The following SCN9A variants were observed in gnomAD, a reference collection of about 807,000 sequenced individuals.
SCN9A encodes sodium channel protein type 9 subunit alpha.
Under a neutral mutation model 187.0 loss-of-function variants are expected in SCN9A, and 131 were observed. That is an observed-to-expected ratio of 0.70 (90% CI 0.61 to 0.81). The LOEUF is 0.81. Ranked by LOEUF, SCN9A falls within the 30% of genes least tolerant of loss-of-function variation. The pLI is 0.00. For missense variants in SCN9A, 2,252 were observed against 2,396.6 expected (o/e 0.94, Z 1.26); for synonymous variants, 809 against 808.6 (o/e 1.00, Z -0.01).
Position 166,290,324 on chromosome 2 carries a change from G to T in SCN9A, c.1108-1681C>A, listed in dbSNP as rs1431404423. Among the ~76,000 whole-genome samples, 3 of 152,076 alleles carry T rather than the reference G, an allele frequency of 2.0e-5. No homozygotes were observed. In the East Asian group the frequency reaches 5.8e-4, roughly 29 times the overall value. On this transcript the variant is annotated intron_variant, in intron 9 of 26. Transcript: ENST00000642356. ...TCTTTATACAATTTAACATTGATGGGCATTTGAGTTGATTCCATCTCTTTG... is the reference window on the plus strand; with the variant it reads ...TCTTTATACAATTTAACATTGATGGTCATTTGAGTTGATTCCATCTCTTTG...
chr2:166,321,406 G>A (rs1020085916), intron 1 of SCN9A: 1 of 151,978 alleles, frequency 6.6e-6, no homozygotes, highest in African/African-American at 2.4e-5. Flanking sequence ...TGTAGTCTCA[G>A]CTGCTTGAGA....
chr2:166,370,804 G>A (rs1700543566), intron 1 of SCN9A, among the ~76,000 whole-genome samples: 1 of 151,634 alleles, frequency 6.6e-6, no homozygotes, highest in African/African-American at 2.4e-5. Context: ...AAGATGAGAT[G>A]TAGGAGAGAA....
chr2:166,316,610 C>T (rs957707608), intron 1 of SCN9A, among the ~76,000 whole-genome samples: 13 of 152,306 alleles, frequency 8.5e-5, no homozygotes, highest in African/African-American at 2.9e-4. Flanking sequence ...CAGAGAATGG[C>T]GTGAACCCAG....
Position 166,199,975 on chromosome 2 carries a change from G to GTTTTTTTTTTTTTTTTTTTT in SCN9A, c.4775-131_4775-112dup, listed in dbSNP as rs764524434. The GTTTTTTTTTTTTTTTTTTTT allele has an allele frequency of 1.0e-4, 8 of 79,332 alleles. 2 individuals carry two copies. The highest frequency in any genetic ancestry group is 1.9e-4 in the African/African-American group (2 of 10,640). The allele number at this position is 79,332 out of a possible 1,614,324, so 4.9% of individuals were successfully genotyped here. A position where few individuals can be genotyped will look rare whatever the true frequency, so the allele number is the denominator to read the frequency against. On this transcript the variant is annotated intron_variant, in intron 26 of 26. Transcript: ENST00000642356. ...ACTCATTTCTTATGAATTCAAGACA[G>GTTTTTTTTTTTTTTTTTTTT]TTTTTTTTTTTTTTTTTTTTTTTTT...
chr2:166,311,467 G>A, intron 2 of SCN9A, 32 bp downstream of exon 2: 1 of 1,460,994 alleles, frequency 6.8e-7, no homozygotes, highest in Non-Finnish European at 9.1e-7. Context: ...GAAGCCAACA[G>A]AAACTGACCA....
intron 1 of SCN9A, among the ~76,000 whole-genome samples, chr2:166,360,924 C>T (rs1700268917): frequency 6.6e-6 from 1 of 152,068 alleles, no homozygotes; most frequent in African/African-American, 2.4e-5. Context: ...ATGTTTATGG[C>T]TTTAATTTAA....
chr2:166,306,149 T>C (rs1198927678), intron 4 of SCN9A, among the ~76,000 whole-genome samples: 1 of 152,044 alleles, frequency 6.6e-6, no homozygotes, highest in Non-Finnish European at 1.5e-5. Context: ...ACTAAGAATA[T>C]AGGTCTCAGA....
rs555099236 is a variant in SCN9A, at chr2:166,256,654, T to G, written c.3352-4769A>C. ...GGCAAGAAAACCAATTTTTTTTCCT[T>G]TCCTATTTTTCTTTGTCTATTGCTA... is the stretch of plus-strand genomic sequence containing the variant. On this transcript the variant is annotated intron_variant, in intron 17 of 26. Coordinates refer to ENST00000642356, the MANE Select transcript of SCN9A (RefSeq NM_001365536.1). 5.3e-5 allele frequency among the ~76,000 whole-genome samples: 8 copies of G among 151,642 alleles called. No individual in the cohort carries two copies. In the East Asian group the frequency reaches 1.4e-3, roughly 26 times the overall value.
chr2:166,317,420 T>G (rs899285321), intron 1 of SCN9A, among the ~76,000 whole-genome samples: 2 of 152,186 alleles, frequency 1.3e-5, no homozygotes, highest in Non-Finnish European at 2.9e-5. Context: ...GCAGTACTTT[T>G]GTTTTCTCAT....
At position 166,311,520 on chromosome 2, in the gene SCN9A, G is replaced by T; in HGVS notation, c.237C>A (p.Asp79Glu). The T allele has an allele frequency of 6.2e-7, 1 of 1,609,562 alleles. No homozygotes were observed. The highest frequency in any genetic ancestry group is 8.5e-7 in the Non-Finnish European group (1 of 1,177,948). Residue 79 changes from aspartate to glutamate, a missense_variant, in exon 2 of 27, where the codon GAC (aspartate) becomes GAA (glutamate). Physicochemically the swap from Asp to Glu is conservative, Grantham distance 45. This residue lies in a region of SCN9A where 1,013 missense variants were observed against 997.4 expected (regional missense o/e 1.02). Coordinates refer to ENST00000642356, the MANE Select transcript of SCN9A (RefSeq NM_001365536.1). Reference protein sequence around the residue: ...GMVSEPLEDLDPYYADKKTFI... With the variant: ...GMVSEPLEDLEPYYADKKTFI... ...TCACCTTTTTGTCTGCATAGTAGGG[G>T]TCCAAGTCCTCCAGGGGCTCTGACA...
intron 2 of SCN9A, among the ~76,000 whole-genome samples, chr2:166,309,688 C>T (rs915338983): frequency 7.4e-5 from 11 of 148,896 alleles, no homozygotes; most frequent in South Asian, 2.2e-4. Flanking sequence ...AGGTAATTTA[C>T]AGATTCAATG....
In SCN9A at chr2:166,296,127, T is replaced by A. The variant is rs1171667990; in HGVS notation, c.902-1465A>T. On this transcript the variant is annotated intron_variant, in intron 7 of 26. Transcript: ENST00000642356. ...TTTGAATGTTGCTTCTATCCCTTCT[T>A]AAGTAAGTGAATTATCTTTAAGCCA... 2.0e-5 allele frequency: 3 copies of A among 152,208 alleles called. No individual in the cohort carries two copies. The East Asian group carries it at 5.8e-4, about 29-fold the overall frequency. 9.4% of individuals were successfully genotyped at this position (152,208 alleles called of 1,614,324 possible).
chr2:166,306,438 T>C (rs1698759509), intron 4 of SCN9A, 72 bp downstream of exon 4: 3 of 883,756 alleles, frequency 3.4e-6, no homozygotes, highest in Admixed American at 4.0e-5. Context: ...ATGCAGTAAC[T>C]TCCTGGCAGG....
rs200341902 is a variant in SCN9A, at chr2:166,311,805, G to A, written c.-49C>T. On this transcript the variant is annotated splice_region_variant and 5_prime_UTR_variant, in exon 2 of 27. Coordinates refer to ENST00000642356, the MANE Select transcript of SCN9A (RefSeq NM_001365536.1). ...TCCTCTTCAGCTCCTCACATAAGAG[G>A]CCTGGATGGAAACAAAGAAATAAAG... is the stretch of plus-strand genomic sequence containing the variant. 10 of 1,491,154 alleles carry A rather than the reference G, an allele frequency of 6.7e-6. No individual in the cohort carries two copies. The highest frequency in any genetic ancestry group is 9.0e-6 in the Non-Finnish European group (10 of 1,114,218). The allele number at this position is 1,491,154 out of a possible 1,614,324, so 92.4% of individuals were successfully genotyped here.
At chr2:166,303,919 T>A in intron 6 of SCN9A, 1 of 1,100,222 alleles carries the variant, frequency 9.1e-7, no homozygotes, top group Non-Finnish European at 1.3e-6. Flanking sequence ...TTGATAATGA[T>A]TGTGGAAAAC....
chr2:166,238,194 G>A lies in SCN9A; in HGVS notation c.3701C>T (p.Thr1234Ile), dbSNP rs1695405710. 1 of 1,606,152 alleles carries A rather than the reference G, an allele frequency of 6.2e-7. No homozygotes were observed. The highest frequency in any genetic ancestry group is 8.5e-7 in the Non-Finnish European group (1 of 1,174,388). The change falls in exon 20 of 27, where the codon ACT becomes ATT. Residue 1234 changes from threonine to isoleucine, a missense_variant. Physicochemically the swap from Thr to Ile is moderately conservative, Grantham distance 89. Around this residue, in one of 7 missense-constraint regions of SCN9A, gnomAD observed 313 missense variants for 295.3 expected, o/e 1.06. Transcript: ENST00000642356. Reference protein sequence around the residue: ...IILEYADKIFTYIFILEMLLK... With the variant: ...IILEYADKIFIYIFILEMLLK... ...AAGCATTTCCAGAATGAAGATGTAA[G>A]TGAAGATCTTGTCTGCATACTCCAG...
chr2:166,368,686 T>TA (rs67339035), intron 1 of SCN9A, among the ~76,000 whole-genome samples: 22,408 of 134,520 alleles, frequency 0.17, 1,852 homozygotes, highest in East Asian at 0.27. Context: ...GAAACTTAAT[T>TA]AAAAAAAAAA....
intron 6 of SCN9A, 33 bp downstream of exon 6, chr2:166,304,205 G>A (rs750631806): frequency 2.5e-6 from 4 of 1,609,712 alleles, no homozygotes; most frequent in Non-Finnish European, 2.6e-6. Context: ...GGAGTTATGA[G>A]TGGCCTAATG....
At chr2:166,200,545 T>A (rs1693459781) in intron 26 of SCN9A, among the ~76,000 whole-genome samples, 2 of 152,032 alleles carry the variant, frequency 1.3e-5, no homozygotes, top group Admixed American at 6.5e-5. Flanking sequence ...ATTATCAATA[T>A]TTTTTTGAGT....
Sources: gnomAD v4.1 joint callset for allele counts (sites outside exome capture counted in the v4.1 genomes callset) on GRCh38, gnomAD v4.1.1 for gene constraint, gnomAD v4.1.1 regional missense constraint, MANE v1.5 for transcripts, NCBI Gene and HGNC (gene_info 2026-07-23, HGNC 2026-07-21) for gene names.